Variants in GALNS observed in about 807,000 individuals in gnomAD.
The protein encoded by GALNS is galactosamine (N-acetyl)-6-sulfatase.
A neutral mutation model predicts 65.9 loss-of-function variants in GALNS; 65 were observed. The ratio of observed to expected loss-of-function variants is 0.99; its 90% CI spans 0.81 to 1.21. GALNS has a LOEUF of 1.21. Among genes scored for constraint, GALNS ranks in the 50% most tolerant of loss-of-function variants. The probability of loss-of-function intolerance (pLI) is 0.00; values close to 1 mark genes in which losing one functional copy is unlikely to be tolerated. For missense variants in GALNS, 776 were observed against 700.7 expected, an observed-to-expected ratio of 1.11 and a Z score of -1.21; for synonymous variants, 346 against 288.9, an observed-to-expected ratio of 1.20 and a Z score of -2.00.
chr16:88,817,180 C>A (rs1250653430), intron 13 of GALNS: 10 of 985,346 alleles, frequency 1.0e-5, no homozygotes, highest in African/African-American at 1.7e-5. Flanking sequence ...CCCTATGGGA[C>A]CCCCAAGCAG....
intron 4 of GALNS, among the ~76,000 whole-genome samples, chr16:88,839,616 G>A (rs11076724): frequency 6.6e-6 from 1 of 152,164 alleles, no homozygotes; most frequent in Non-Finnish European, 1.5e-5. Context: ...TGCCCTGAGA[G>A]GGGACCCTGC....
chr16:88,822,808 G>A lies in GALNS; in HGVS notation c.1243-98C>T, dbSNP rs1315638841. ...TCCTGGAGCCCCTGACTGCGGCCGTGAGGGGCCTTGTCTGCCTGTGTCCTG... is the reference window on the plus strand; with the variant it reads ...TCCTGGAGCCCCTGACTGCGGCCGTAAGGGGCCTTGTCTGCCTGTGTCCTG... On this transcript the variant is annotated intron_variant, in intron 11 of 13. Transcript: ENST00000268695. 8 of 1,519,038 alleles carry A rather than the reference G, an allele frequency of 5.3e-6. No individual in the cohort carries two copies. In the African/African-American group the frequency reaches 1.1e-4, roughly 21 times the overall value. The allele number at this position is 1,519,038 out of a possible 1,614,324, so 94.1% of individuals were successfully genotyped here. A position where few individuals can be genotyped will look rare whatever the true frequency, so the allele number is the denominator to read the frequency against.
chr16:88,835,779 G>C lies in GALNS; in HGVS notation c.704C>G (p.Thr235Arg), dbSNP rs398123440. 1.2e-6 allele frequency: 2 copies of C among 1,614,146 alleles called. No individual in the cohort carries two copies. Among genetic ancestry groups the C allele is most frequent in the African/African-American group, 2.7e-5 (2 of 75,060 alleles). ...PFFLYWAVDA[T>R]HAPVYASKPF... ...TTTGGAGGCATAGACGGGTGCGTGCGTGGCGTCGACAGCCCAGTAGAGGAA... is the reference window on the plus strand; with the variant it reads ...TTTGGAGGCATAGACGGGTGCGTGCCTGGCGTCGACAGCCCAGTAGAGGAA... The change falls in exon 7 of 14, where the codon ACG becomes AGG. Residue 235 changes from threonine (T) to arginine (R), a missense_variant. Coordinates refer to ENST00000268695, the MANE Select transcript of GALNS (RefSeq NM_000512.5).
In GALNS at chr16:88,841,068, C is replaced by T. The variant is rs1444754604; in HGVS notation, c.346G>A (p.Gly116Ser). Residue 116 changes from glycine (G) to serine (S), a missense_variant, in exon 4 of 14, where the codon GGC (glycine) becomes AGC (serine). By Grantham distance (56) the Gly-to-Ser change is moderately conservative. Coordinates refer to ENST00000268695, the MANE Select transcript of GALNS (RefSeq NM_000512.5). ...NAYTPQEIVGGIPDSEQLLPE... is the reference protein window; with the variant it reads ...NAYTPQEIVGSIPDSEQLLPE... ...AGGAGCTGCTCCGAGTCTGGGATGC[C>T]GCCCACAATCTCCTGCGGTGTGTAG... The T allele has an allele frequency of 9.3e-6, 15 of 1,613,040 alleles. No individual in the cohort carries two copies. Among genetic ancestry groups the T allele is most frequent in the South Asian group, 6.6e-5 (6 of 91,086 alleles).
Position 88,856,878 on chromosome 16 carries a change from G to C in GALNS, c.-1C>G. The C allele has an allele frequency of 4.6e-6, 7 of 1,507,834 alleles. No individual in the cohort carries two copies. The highest frequency in any genetic ancestry group is 6.2e-6 in the Non-Finnish European group (7 of 1,136,890). The allele number at this position is 1,507,834 out of a possible 1,614,324, so 93.4% of individuals were successfully genotyped here. A position where few individuals can be genotyped will look rare whatever the true frequency, so the allele number is the denominator to read the frequency against. On this transcript the variant is annotated 5_prime_UTR_variant, in exon 1 of 14. Transcript: ENST00000268695. ...TCGTCGCCGCGACAACCGCCGCCAT[G>C]GCAACCACGGGAGCCGCGGAGCCCC...
chr16:88,819,247 G>A (rs1909955024), intron 12 of GALNS, among the ~76,000 whole-genome samples: 1 of 151,848 alleles, frequency 6.6e-6, no homozygotes, highest in Non-Finnish European at 1.5e-5. Flanking sequence ...CCCTGCTTAG[G>A]CCTCAGGCCT....
At chr16:88,837,097 G>C (rs897005086) in intron 5 of GALNS, among the ~76,000 whole-genome samples, 1 of 152,224 alleles carries the variant, frequency 6.6e-6, no homozygotes, top group African/African-American at 2.4e-5. Flanking sequence ...GAAGAGTCAA[G>C]TTAAGCAAAA....
chr16:88,856,631 C>T (rs1967916042), intron 1 of GALNS, 127 bp downstream of exon 1: 6 of 511,396 alleles, frequency 1.2e-5, no homozygotes, highest in South Asian at 1.1e-4. Flanking sequence ...TCCCCCCTTC[C>T]CCAAGGGGCC....
At chr16:88,822,886 G>T (rs192600348) in intron 11 of GALNS, among the ~76,000 whole-genome samples, 176 bp from the exon 12 acceptor site, 2 of 152,254 alleles carry the variant, frequency 1.3e-5, no homozygotes, top group Non-Finnish European at 2.9e-5. Context: ...GCCTAGCAGC[G>T]TCCCTGGTAC....
chr16:88,815,207 T>C (rs1274934843), intron 13 of GALNS: 11 of 985,272 alleles, frequency 1.1e-5, no homozygotes, highest in African/African-American at 7.0e-5. Flanking sequence ...AAGGCTGCCA[T>C]TGGAGAAATG....
intron 4 of GALNS, among the ~76,000 whole-genome samples, chr16:88,839,136 CAG>C (rs1481605471): frequency 6.6e-6 from 1 of 151,774 alleles, no homozygotes; most frequent in Non-Finnish European, 1.5e-5. Flanking sequence ...CGCCCAACCA[CAG>C]GGGACACTCG....
At chr16:88,821,699 C>T (rs1284082597) in intron 12 of GALNS, among the ~76,000 whole-genome samples, 1 of 152,178 alleles carries the variant, frequency 6.6e-6, no homozygotes, top group Non-Finnish European at 1.5e-5. Flanking sequence ...TCCTGTACTG[C>T]TCTCTGCTGC....
At position 88,826,753 on chromosome 16, in the gene GALNS, A is replaced by G. The variant is rs199663650; in HGVS notation, c.1088T>C (p.Ile363Thr). The change falls in exon 10 of 14, where the codon ATT (isoleucine) becomes ACT (threonine). Residue 363 changes from isoleucine (I) to threonine (T), a missense_variant. By Grantham distance (89) the Ile-to-Thr change is moderately conservative. Transcript: ENST00000268695. ...AGLTPPSDRA[I>T]DGLNLLPTLL... Reference sequence around the variant, plus strand: ...GGTGGGGAGGAGGTTGAGGCCATCAATGGCCCTGTCGCTGGGCGGCGTCAG... The same window carrying G: ...GGTGGGGAGGAGGTTGAGGCCATCAGTGGCCCTGTCGCTGGGCGGCGTCAG... 11 of 1,611,728 alleles carry G rather than the reference A, an allele frequency of 6.8e-6. No homozygotes were observed. The highest frequency in any genetic ancestry group is 9.3e-6 in the Non-Finnish European group (11 of 1,179,506).
intron 1 of GALNS, among the ~76,000 whole-genome samples, chr16:88,854,364 G>A (rs1468054304): frequency 6.6e-6 from 1 of 152,220 alleles, no homozygotes; most frequent in African/African-American, 2.4e-5. Context: ...CTTGCACCCT[G>A]GGCCACGTCA....
intron 1 of GALNS, among the ~76,000 whole-genome samples, chr16:88,848,826 G>A (rs1304908252): frequency 1.3e-5 from 2 of 152,224 alleles, no homozygotes; most frequent in Admixed American, 6.5e-5. Context: ...CGGGGACCGC[G>A]GGAGGACAGT....
intron 5 of GALNS, among the ~76,000 whole-genome samples, chr16:88,837,362 G>T (rs1912246635): frequency 6.6e-6 from 1 of 152,200 alleles, no homozygotes; most frequent in African/African-American, 2.4e-5. Flanking sequence ...CGCTCTGCTG[G>T]GGGCCTTCCT....
At chr16:88,850,432 A>G (rs1454710622) in intron 1 of GALNS, among the ~76,000 whole-genome samples, 2 of 152,220 alleles carry the variant, frequency 1.3e-5, no homozygotes, top group Admixed American at 1.3e-4. Flanking sequence ...AATAACATGA[A>G]TGGATGCAGC....
At chr16:88,832,664 A>T (rs1197739546) in intron 8 of GALNS, among the ~76,000 whole-genome samples, 2 of 152,166 alleles carry the variant, frequency 1.3e-5, no homozygotes, top group East Asian at 3.8e-4. Context: ...ACATGGAAGA[A>T]GGGGGTGGGG....
intron 4 of GALNS, chr16:88,840,751 G>C (rs545244013): frequency 7.2e-6 from 4 of 554,754 alleles, no homozygotes; most frequent in African/African-American, 3.8e-5. Flanking sequence ...ACAGGCCTGC[G>C]GAGTCTGATG....
Sources: allele counts gnomAD v4.1 joint callset (sites outside exome capture counted in the v4.1 genomes callset), GRCh38; gene constraint gnomAD v4.1.1; transcripts MANE v1.5; gene names NCBI Gene and HGNC (gene_info 2026-07-23, HGNC 2026-07-21).